The following STX11 variants were observed in gnomAD, a reference collection of about 807,000 sequenced individuals.
STX11 encodes syntaxin-11.
STX11 carries 21 observed loss-of-function variants against 19.9 expected under a neutral mutation model. The ratio of observed to expected loss-of-function variants is 1.06; its 90% CI spans 0.75 to 1.52. The LOEUF (loss-of-function observed/expected upper bound fraction) is 1.52. STX11 is among the 40% of genes most tolerant of loss of function. The pLI, the probability that STX11 is intolerant of heterozygous loss-of-function variation, is 0.00. For missense variants in STX11, 438 were observed against 405.9 expected (o/e 1.08, Z -0.68); for synonymous variants, 193 against 174.4 (o/e 1.11, Z -0.84).
At chr6:144,186,505 G>A in intron 1 of STX11, 118 bp from the exon 2 acceptor site, 1 of 1,270,394 alleles carries the variant, frequency 7.9e-7, no homozygotes, top group Non-Finnish European at 1.1e-6. Flanking sequence ...TGCACTTATT[G>A]CCCACACCGA....
intron 1 of STX11, 104 bp downstream of exon 1, chr6:144,150,807 C>T (rs891114839): frequency 1.1e-6 from 1 of 874,084 alleles, no homozygotes; most frequent in Non-Finnish European, 1.4e-6. Context: ...TGTCTAGGCT[C>T]GGGACCCGCG....
chr6:144,187,684 G>A lies in STX11; in HGVS notation c.*193G>A. The A allele has an allele frequency of 2.8e-6, 2 of 710,750 alleles. No homozygotes were observed. The highest frequency in any genetic ancestry group is 3.7e-5 in the South Asian group (2 of 53,378). 44.0% of individuals were successfully genotyped at this position (710,750 alleles called of 1,614,324 possible). On this transcript the variant is annotated 3_prime_UTR_variant, in exon 2 of 2. Transcript: ENST00000367568. This position sits in a 1 kb window ranked among gnomAD's most constrained non-coding sequence, Gnocchi z 5.6. ...GAAAGATGGTTAGTTGATACCGTCC[G>A]ATGATTCTTCAGTAAAGATAGATTC...
chr6:144,156,280 T>A (rs1353737384), intron 1 of STX11, among the ~76,000 whole-genome samples: 3 of 151,974 alleles, frequency 2.0e-5, no homozygotes, highest in African/African-American at 7.3e-5. Flanking sequence ...GTCAGGCTGG[T>A]CTCCAACTCC....
At chr6:144,144,570 ATAT>A in the STX11 span, among the ~76,000 whole-genome samples, 1 of 152,248 alleles carries the variant, frequency 6.6e-6, no homozygotes, top group East Asian at 1.9e-4. Flanking sequence ...AATAATGGAA[ATAT>A]TATATTCTGC....
Position 144,172,053 on chromosome 6 carries a change from A to G in STX11, c.-5-14570A>G, listed in dbSNP as rs893254416. 2.0e-5 allele frequency among the ~76,000 whole-genome samples: 3 copies of G among 152,190 alleles called. No individual in the cohort carries two copies. Among genetic ancestry groups the G allele is most frequent in the African/African-American group, 7.2e-5 (3 of 41,442 alleles). On this transcript the variant is annotated intron_variant, in intron 1 of 1. Transcript: ENST00000367568. The surrounding 1 kb of genome is among the most constrained non-coding windows in gnomAD (Gnocchi z 4.2). ...GAGAATTTACTTTCCAGAAATTATA[A>G]TTTATCCATGATTCACAGCAGCCTC... is the stretch of plus-strand genomic sequence containing the variant.
Position 144,190,856 on chromosome 6 carries a change from C to A in STX11, c.*3365C>A, listed in dbSNP as rs1399697847. Among the ~76,000 whole-genome samples the A allele has an allele frequency of 6.6e-6, 1 of 152,160 alleles. No homozygotes were observed. Among genetic ancestry groups the A allele is most frequent in the Non-Finnish European group, 1.5e-5 (1 of 68,028 alleles). ...CCCACTGCACGTCCTGGCCTATTCA[C>A]CAAAGCCCTTCCTGGCTCTGACTGC... On this transcript the variant is annotated 3_prime_UTR_variant, in exon 2 of 2. Transcript: ENST00000367568.
chr6:144,154,030 G>A lies in STX11; in HGVS notation c.-6+3327G>A, dbSNP rs893942849. Among the ~76,000 whole-genome samples, 3 of 152,192 alleles carry A rather than the reference G, an allele frequency of 2.0e-5. No homozygotes were observed. The highest frequency in any genetic ancestry group is 4.4e-5 in the Non-Finnish European group (3 of 68,030). On this transcript the variant is annotated intron_variant, in intron 1 of 1. Coordinates refer to ENST00000367568, the MANE Select transcript of STX11 (RefSeq NM_003764.4). This position sits in a 1 kb window ranked among gnomAD's most constrained non-coding sequence, Gnocchi z 4.7. ...GTACTATCCTAGACTCACTATGTGC[G>A]TTAAGCCTTTTACTCGTCAGTACAA...
Position 144,176,111 on chromosome 6 carries a change from C to T in STX11, c.-5-10512C>T, listed in dbSNP as rs544667944. Among the ~76,000 whole-genome samples the T allele has an allele frequency of 2.6e-5, 4 of 152,078 alleles. No individual in the cohort carries two copies. Among genetic ancestry groups the T allele is most frequent in the Non-Finnish European group, 4.4e-5 (3 of 68,024 alleles). On this transcript the variant is annotated intron_variant, in intron 1 of 1. Coordinates refer to ENST00000367568, the MANE Select transcript of STX11 (RefSeq NM_003764.4). This position sits in a 1 kb window ranked among gnomAD's most constrained non-coding sequence, Gnocchi z 4.1. ...CTAATTAGATAAGCAACTCCATGCC[C>T]CTTTGCAGGAGGAGGTGGAGAGGGA...
At chr6:144,168,817 T>C (rs1801551822) in intron 1 of STX11, among the ~76,000 whole-genome samples, 1 of 152,272 alleles carries the variant, frequency 6.6e-6, no homozygotes. Context: ...TAAGAAAGCA[T>C]TATTTAATCC....
At chr6:144,181,455 C>A (rs1236328024) in intron 1 of STX11, among the ~76,000 whole-genome samples, 1 of 151,608 alleles carries the variant, frequency 6.6e-6, no homozygotes, top group Non-Finnish European at 1.5e-5. Flanking sequence ...CTTAGCTGGG[C>A]GTGGTGGTGC....
intron 1 of STX11, among the ~76,000 whole-genome samples, chr6:144,168,690 T>C (rs992233623): frequency 2.0e-5 from 3 of 152,272 alleles, no homozygotes; most frequent in Non-Finnish European, 4.4e-5. Flanking sequence ...TGCACAACTG[T>C]ATCTTTAGTC....
In STX11 at chr6:144,182,669, C is replaced by G. The variant is rs1404554787; in HGVS notation, c.-5-3954C>G. On this transcript the variant is annotated intron_variant, in intron 1 of 1. Coordinates refer to ENST00000367568, the MANE Select transcript of STX11 (RefSeq NM_003764.4). The surrounding 1 kb of genome is among the most constrained non-coding windows in gnomAD (Gnocchi z 4.8). ...GTGATGAGATGATTTCCCCCAATAG[C>G]TTTTTAATGGCTGTAGGAGAGCAAT... 1.3e-5 allele frequency among the ~76,000 whole-genome samples: 2 copies of G among 152,134 alleles called. No homozygotes were observed. Among genetic ancestry groups the G allele is most frequent in the Non-Finnish European group, 2.9e-5 (2 of 68,030 alleles).
At chr6:144,173,416 C>T (rs1397807901) in intron 1 of STX11, among the ~76,000 whole-genome samples, 1 of 152,200 alleles carries the variant, frequency 6.6e-6, no homozygotes, top group African/African-American at 2.4e-5. Flanking sequence ...TGCGAGGCAG[C>T]TTATTCAATT....
In STX11 at chr6:144,182,901, A is replaced by C. The variant is rs962384261; in HGVS notation, c.-5-3722A>C. On this transcript the variant is annotated intron_variant, in intron 1 of 1. Transcript: ENST00000367568. The surrounding 1 kb of genome is among the most constrained non-coding windows in gnomAD (Gnocchi z 4.8). ...CCATTCCATCTCATCCACTTGTTGCATGGTAGACTATATTGGGTACTAACT... is the reference window on the plus strand; with the variant it reads ...CCATTCCATCTCATCCACTTGTTGCCTGGTAGACTATATTGGGTACTAACT... Among the ~76,000 whole-genome samples the C allele has an allele frequency of 6.6e-6, 1 of 152,196 alleles. No homozygotes were observed. Among genetic ancestry groups the C allele is most frequent in the Non-Finnish European group, 1.5e-5 (1 of 68,040 alleles).
Position 144,172,422 on chromosome 6 carries a change from C to G in STX11, c.-5-14201C>G, listed in dbSNP as rs1258176132. ...TTTCAGTGTTCCCAGAGCAGATAAGCCCCAAGGTGCTAGTGCTGTTGAAGC... is the reference window on the plus strand; with the variant it reads ...TTTCAGTGTTCCCAGAGCAGATAAGGCCCAAGGTGCTAGTGCTGTTGAAGC... On this transcript the variant is annotated intron_variant, in intron 1 of 1. Transcript: ENST00000367568. This position sits in a 1 kb window ranked among gnomAD's most constrained non-coding sequence, Gnocchi z 4.2. Among the ~76,000 whole-genome samples, 1 of 152,102 alleles carries G rather than the reference C, an allele frequency of 6.6e-6. No homozygotes were observed. The highest frequency in any genetic ancestry group is 1.5e-5 in the Non-Finnish European group (1 of 68,032).
At position 144,180,125 on chromosome 6, in the gene STX11, CT is replaced by C. The variant is rs1412295255; in HGVS notation, c.-5-6496del. Among the ~76,000 whole-genome samples, 2 of 152,190 alleles carry C rather than the reference CT, an allele frequency of 1.3e-5. No homozygotes were observed. Among genetic ancestry groups the C allele is most frequent in the African/African-American group, 4.8e-5 (2 of 41,452 alleles). On this transcript the variant is annotated intron_variant, in intron 1 of 1. Coordinates refer to ENST00000367568, the MANE Select transcript of STX11 (RefSeq NM_003764.4). The surrounding 1 kb of genome is among the most constrained non-coding windows in gnomAD (Gnocchi z 5.3). ...TCCCATGTCTGAAAATTTCTCACTA[CT>C]TGTAAAAATACTTTAACATCTTGCT... is the stretch of plus-strand genomic sequence containing the variant.
intron 1 of STX11, among the ~76,000 whole-genome samples, chr6:144,156,502 T>C (rs118050794): frequency 4.2e-4 from 64 of 152,346 alleles, no homozygotes; most frequent in Non-Finnish European, 6.5e-4. Context: ...CCATTACTCC[T>C]TGCATAACTT....
At position 144,187,432 on chromosome 6, in the gene STX11, T is replaced by A. The variant is rs1482046086; in HGVS notation, c.805T>A (p.Tyr269Asn). 14 of 1,611,816 alleles carry A rather than the reference T, an allele frequency of 8.7e-6. No homozygotes were observed. The highest frequency in any genetic ancestry group is 1.0e-5 in the Non-Finnish European group (12 of 1,179,954). Residue 269 changes from tyrosine (Y) to asparagine (N), a missense_variant, in exon 2 of 2, where the codon TAC becomes AAC. Tyr to Asn is a moderately radical substitution (Grantham distance 143). Transcript: ENST00000367568. This position sits in a 1 kb window ranked among gnomAD's most constrained non-coding sequence, Gnocchi z 5.6. The stretch of plus-strand genomic sequence containing the variant: ...GGCGCAGGTGCGGAAGGCCGTGCAG[T>A]ACGAGGAGAAGAACCCCTGCCGGAC... ...AKAQVRKAVQ[Y>N]EEKNPCRTLC...
In STX11 at chr6:144,187,374, A is replaced by T; in HGVS notation, c.747A>T (p.Val249=). 1.2e-6 allele frequency: 2 copies of T among 1,610,650 alleles called. No individual in the cohort carries two copies. The highest frequency in any genetic ancestry group is 1.7e-6 in the Non-Finnish European group (2 of 1,179,956). ...CCCTGAACGTCATCGAGCTCAACGT[A>T]CAAAAGACGGTCGACTACACCGGCC... ...ADTLNVIELN[V]QKTVDYTGQA... is the part of the protein sequence containing the mutation. Residue 249 remains valine, a synonymous_variant, in exon 2 of 2, where the codon GTA becomes GTT. Coordinates refer to ENST00000367568, the MANE Select transcript of STX11 (RefSeq NM_003764.4). This position sits in a 1 kb window ranked among gnomAD's most constrained non-coding sequence, Gnocchi z 5.6.
Sources: gnomAD v4.1 joint callset for allele counts (sites outside exome capture counted in the v4.1 genomes callset) on GRCh38, gnomAD v4.1.1 for gene constraint, Gnocchi (gnomAD v3.1) non-coding constraint, MANE v1.5 for transcripts, NCBI Gene and HGNC (gene_info 2026-07-23, HGNC 2026-07-21) for gene names.